CDYL2: variants seen among roughly 807,000 people sequenced by gnomAD.
CDYL2 encodes the protein chromodomain Y-like protein 2.
A neutral mutation model predicts 49.4 loss-of-function variants in CDYL2; 23 were observed. The observed-to-expected ratio is 0.47, with a 90% CI of 0.34 to 0.66. CDYL2 has a LOEUF of 0.66. Among genes scored for constraint, CDYL2 ranks in the 30% least tolerant of loss-of-function variants. CDYL2 has a pLI of 0.01. For missense variants in CDYL2, 678 were observed against 656.4 expected (o/e 1.03, Z -0.36); for synonymous variants, 360 against 268.8 (o/e 1.34, Z -3.32).
intron 4 of CDYL2, among the ~76,000 whole-genome samples, chr16:80,619,305 T>C (rs1388967409): frequency 6.6e-6 from 1 of 152,172 alleles, no homozygotes; most frequent in Non-Finnish European, 1.5e-5. Flanking sequence ...GTTCCAGGGA[T>C]TGGCACGTGG....
rs1906632366 is a variant in CDYL2 at position 80,612,256 on chromosome 16, G to A, written c.1218+370C>T. Among the ~76,000 whole-genome samples the A allele has an allele frequency of 6.6e-6, 1 of 152,216 alleles. No individual in the cohort carries two copies. The highest frequency in any genetic ancestry group is 2.1e-4 in the South Asian group (1 of 4,836). On this transcript the variant is annotated intron_variant, in intron 5 of 6. Transcript: ENST00000570137. This position sits in a 1 kb window ranked among gnomAD's most constrained non-coding sequence, Gnocchi z 5.0. ...GACGGGAGACACCTGGGTCCCCAGA[G>A]AGTGTGGGTGGCCCCTACACCTATG...
chr16:80,667,528 A>G (rs900550505), intron 2 of CDYL2, among the ~76,000 whole-genome samples: 1 of 151,966 alleles, frequency 6.6e-6, no homozygotes. Context: ...GCCCTTACCT[A>G]TGGCCCCACA....
chr16:80,654,396 A>G (rs894605831), intron 2 of CDYL2, among the ~76,000 whole-genome samples: 1 of 152,232 alleles, frequency 6.6e-6, no homozygotes, highest in African/African-American at 2.4e-5. Context: ...CCAGGAATAA[A>G]TGGTGGCTCT....
Position 80,749,168 on chromosome 16 carries a change from T to C in CDYL2, c.24+54982A>G, listed in dbSNP as rs115690405. 7.2e-3 allele frequency among the ~76,000 whole-genome samples: 1,090 copies of C among 152,324 alleles called. 13 individuals are homozygous for C. The highest frequency in any genetic ancestry group is 0.025 in the African/African-American group (1,043 of 41,564). ...GTGTGTGTTTTATTATTTATACTTT[T>C]AGTTTCCAATTTTCCTCTGGTATTC... On this transcript the variant is annotated intron_variant, in intron 1 of 6. Coordinates refer to ENST00000570137, the MANE Select transcript of CDYL2 (RefSeq NM_152342.4).
intron 2 of CDYL2, among the ~76,000 whole-genome samples, chr16:80,663,584 A>G (rs1909137634): frequency 6.6e-6 from 1 of 151,922 alleles, no homozygotes; most frequent in Non-Finnish European, 1.5e-5. Flanking sequence ...GTTCACTGTC[A>G]GATGTCTAAA....
At chr16:80,698,392 A>T (rs985737450) in intron 1 of CDYL2, among the ~76,000 whole-genome samples, 1 of 152,220 alleles carries the variant, frequency 6.6e-6, no homozygotes, top group African/African-American at 2.4e-5. Flanking sequence ...ATATACAAGG[A>T]ACTCAACACA....
chr16:80,619,840 C>T (rs914873338), intron 4 of CDYL2, among the ~76,000 whole-genome samples: 1 of 152,204 alleles, frequency 6.6e-6, no homozygotes, highest in Non-Finnish European at 1.5e-5. Flanking sequence ...ATCCTAGCAT[C>T]ACCTCTTAGA....
chr16:80,727,442 G>A (rs532916095), intron 1 of CDYL2, among the ~76,000 whole-genome samples: 130 of 152,330 alleles, frequency 8.5e-4, no homozygotes, highest in Non-Finnish European at 1.5e-3. Flanking sequence ...GGCTCGGAAG[G>A]TCCTACGCCC....
At chr16:80,621,026 CCT>C in intron 3 of CDYL2, 91 bp from the exon 4 acceptor site, 1 of 1,387,398 alleles carries the variant, frequency 7.2e-7, no homozygotes, top group Non-Finnish European at 9.6e-7. Flanking sequence ...GGCCTGACCC[CCT>C]GAGGGTAGAG....
At chr16:80,716,292 G>A (rs890151911) in intron 1 of CDYL2, among the ~76,000 whole-genome samples, 2 of 152,204 alleles carry the variant, frequency 1.3e-5, no homozygotes, top group Admixed American at 6.5e-5. Flanking sequence ...AGGACTACTT[G>A]ATTAATGTGT....
chr16:80,611,063 C>A (rs1445925514), intron 5 of CDYL2, among the ~76,000 whole-genome samples: 3 of 152,194 alleles, frequency 2.0e-5, no homozygotes, highest in Admixed American at 2.0e-4. Flanking sequence ...CAGGCCCACT[C>A]CCTACCCTGT....
intron 2 of CDYL2, among the ~76,000 whole-genome samples, chr16:80,651,957 T>C (rs1908602173): frequency 6.6e-6 from 1 of 152,214 alleles, no homozygotes; most frequent in Non-Finnish European, 1.5e-5. Flanking sequence ...AAGGCTAGAA[T>C]GTGACCACGG....
chr16:80,788,850 A>G (rs1423118867), intron 1 of CDYL2, among the ~76,000 whole-genome samples: 1 of 152,132 alleles, frequency 6.6e-6, no homozygotes, highest in East Asian at 1.9e-4. Context: ...TTATGCCCTC[A>G]TCAAAGGACT....
Position 80,794,147 on chromosome 16 carries a change from G to C in CDYL2, c.24+10003C>G, listed in dbSNP as rs79580584. Reference sequence around the variant, plus strand: ...CATTCCTTCTCTCAAATTTGAGTCAGAGCAGAAGGAGCCAGTCTTCTCAAT... The same window carrying C: ...CATTCCTTCTCTCAAATTTGAGTCACAGCAGAAGGAGCCAGTCTTCTCAAT... On this transcript the variant is annotated intron_variant, in intron 1 of 6. Coordinates refer to ENST00000570137, the MANE Select transcript of CDYL2 (RefSeq NM_152342.4). 4.2e-3 allele frequency among the ~76,000 whole-genome samples: 642 copies of C among 152,252 alleles called. 2 individuals carry two copies. The highest frequency in any genetic ancestry group is 0.015 in the African/African-American group (620 of 41,548).
chr16:80,754,509 T>C (rs756966076), intron 1 of CDYL2, among the ~76,000 whole-genome samples: 3 of 152,184 alleles, frequency 2.0e-5, no homozygotes, highest in Non-Finnish European at 2.9e-5. Context: ...GTCAGACCCA[T>C]TATGCTCCAT....
chr16:80,756,862 T>TA (rs35273155), intron 1 of CDYL2, among the ~76,000 whole-genome samples: 52,160 of 147,718 alleles, frequency 0.35, 10,029 homozygotes, highest in Middle Eastern at 0.51. Context: ...TATAAATTAG[T>TA]AAAAAAAAAA....
intron 4 of CDYL2, among the ~76,000 whole-genome samples, chr16:80,613,546 G>A (rs1355674775): frequency 1.3e-5 from 2 of 152,120 alleles, no homozygotes; most frequent in African/African-American, 4.8e-5. Context: ...GACTAAAATT[G>A]GGTTCCCTGT....
At chr16:80,613,923 T>A (rs980639865) in intron 4 of CDYL2, among the ~76,000 whole-genome samples, 4 of 152,198 alleles carry the variant, frequency 2.6e-5, no homozygotes, top group Non-Finnish European at 5.9e-5. Context: ...TTCCCTCACA[T>A]CACTCTTGCC....
intron 3 of CDYL2, among the ~76,000 whole-genome samples, chr16:80,625,017 T>C (rs78467264): frequency 4.6e-3 from 698 of 152,286 alleles, no homozygotes; most frequent in African/African-American, 0.015. Flanking sequence ...AAAGTCAATA[T>C]TGAAAGAGAT....
Sources: allele counts gnomAD v4.1 joint callset (sites outside exome capture counted in the v4.1 genomes callset), GRCh38; gene constraint gnomAD v4.1.1; non-coding constraint Gnocchi (gnomAD v3.1); transcripts MANE v1.5; gene names NCBI Gene and HGNC (gene_info 2026-07-23, HGNC 2026-07-21).